The following DCLK2 variants were observed in gnomAD, a reference collection of about 807,000 sequenced individuals.
DCLK2 encodes the protein serine/threonine-protein kinase DCLK2.
DCLK2 carries 31 observed loss-of-function variants against 78.4 expected under a neutral mutation model. The observed-to-expected ratio is 0.40, with a 90% CI of 0.30 to 0.53. The LOEUF (loss-of-function observed/expected upper bound fraction) is 0.53, where lower values mean the gene tolerates loss of function less well. DCLK2 is among the 20% of genes least tolerant of loss of function. DCLK2 has a pLI of 0.61. For synonymous variants in DCLK2, 407 were observed against 374.9 expected, an observed-to-expected ratio of 1.09 and a Z score of -0.99; for missense variants, 872 against 973.7, an observed-to-expected ratio of 0.90 and a Z score of 1.39.
intron 1 of DCLK2, among the ~76,000 whole-genome samples, chr4:150,094,376 A>G (rs1289775409): frequency 6.6e-6 from 1 of 152,260 alleles, no homozygotes; most frequent in Non-Finnish European, 1.5e-5. Context: ...ACTGTTTAAA[A>G]AAGAGTATGT....
At chr4:150,204,146 A>G (rs533973772) in intron 5 of DCLK2, among the ~76,000 whole-genome samples, 3 of 152,338 alleles carry the variant, frequency 2.0e-5, no homozygotes, top group Admixed American at 2.0e-4. Flanking sequence ...AGAGATGAAC[A>G]TAATGTGGTA....
chr4:150,229,006 C>G (rs1741829270), intron 8 of DCLK2, among the ~76,000 whole-genome samples: 1 of 148,158 alleles, frequency 6.7e-6, no homozygotes. Context: ...GCAGTCCGGC[C>G]TGGGCAACAG....
At chr4:150,089,254 C>T (rs1200221835) in intron 1 of DCLK2, among the ~76,000 whole-genome samples, 1 of 152,182 alleles carries the variant, frequency 6.6e-6, no homozygotes, top group Non-Finnish European at 1.5e-5. Context: ...CCATCATTAT[C>T]AATCACTTGC....
At chr4:150,136,279 A>G (rs1261184033) in intron 2 of DCLK2, among the ~76,000 whole-genome samples, 2 of 152,234 alleles carry the variant, frequency 1.3e-5, no homozygotes, top group South Asian at 4.1e-4. Context: ...GGTCCCTCTG[A>G]ATGATAAAGT....
intron 2 of DCLK2, among the ~76,000 whole-genome samples, chr4:150,108,664 A>T (rs1035046456): frequency 3.9e-5 from 6 of 152,232 alleles, no homozygotes; most frequent in African/African-American, 9.6e-5. Flanking sequence ...TGACATTCTC[A>T]TAATAAAATA....
At chr4:150,194,558 G>A (rs1738725454) in intron 3 of DCLK2, among the ~76,000 whole-genome samples, 1 of 152,116 alleles carries the variant, frequency 6.6e-6, no homozygotes, top group Non-Finnish European at 1.5e-5. Context: ...TGGGAATACT[G>A]TTTTACCCTA....
At chr4:150,179,288 A>G (rs1737325387) in intron 2 of DCLK2, among the ~76,000 whole-genome samples, 1 of 152,178 alleles carries the variant, frequency 6.6e-6, no homozygotes, top group Non-Finnish European at 1.5e-5. Flanking sequence ...TCGGCCTCCC[A>G]AAGTGATGAG....
intron 2 of DCLK2, among the ~76,000 whole-genome samples, chr4:150,126,790 A>G (rs1301591524): frequency 6.6e-6 from 1 of 152,162 alleles, no homozygotes; most frequent in East Asian, 1.9e-4. Context: ...ACTGATCTAC[A>G]GACCTTATTT....
intron 5 of DCLK2, among the ~76,000 whole-genome samples, chr4:150,212,593 T>A (rs905394048): frequency 1.3e-5 from 2 of 152,212 alleles, no homozygotes; most frequent in African/African-American, 2.4e-5. Flanking sequence ...TAAGCAGTTT[T>A]GAAGTGCCCT....
intron 2 of DCLK2, among the ~76,000 whole-genome samples, chr4:150,153,988 A>G (rs1735077125): frequency 6.6e-6 from 1 of 152,096 alleles, no homozygotes; most frequent in South Asian, 2.1e-4. Flanking sequence ...ACTTTCACAA[A>G]AGGGCGTAAT....
chr4:150,256,159 C>T lies in DCLK2; in HGVS notation c.2213C>T (p.Pro738Leu), dbSNP rs1744544935. ...IPVPGEAVPA[P>L]TPPESPTPHP... Reference sequence around the variant, plus strand: ...GTGCCTGGGGAAGCAGTCCCGGCCCCCACCCCTCCGGAATCTCCCACCCCC... The same window carrying T: ...GTGCCTGGGGAAGCAGTCCCGGCCCTCACCCCTCCGGAATCTCCCACCCCC... The change falls in exon 16 of 16, where the codon CCC becomes CTC. Residue 738 changes from proline (P) to leucine (L), a missense_variant. By Grantham distance (98) the Pro-to-Leu change is moderately conservative (BLOSUM62 -3). Coordinates refer to ENST00000296550, the MANE Select transcript of DCLK2 (RefSeq NM_001040260.4). 6.3e-7 allele frequency: 1 copy of T among 1,586,768 alleles called. No homozygotes were observed. The highest frequency in any genetic ancestry group is 1.8e-5 in the Admixed American group (1 of 56,530).
At chr4:150,233,636 A>AT (rs929524673) in intron 10 of DCLK2, among the ~76,000 whole-genome samples, 51 of 151,416 alleles carry the variant, frequency 3.4e-4, no homozygotes, top group South Asian at 8.4e-4. Flanking sequence ...AAGAGATGCC[A>AT]TTTTTTTTTC....
At chr4:150,192,494 A>AAAC (rs1553966823) in intron 2 of DCLK2, among the ~76,000 whole-genome samples, 5 of 151,456 alleles carry the variant, frequency 3.3e-5, no homozygotes, top group African/African-American at 7.3e-5. Flanking sequence ...AAAAAAAAAA[A>AAAC]ACAAGTGAAA....
chr4:150,109,840 AT>A (rs1731538952), intron 2 of DCLK2, among the ~76,000 whole-genome samples: 2 of 152,174 alleles, frequency 1.3e-5, no homozygotes, highest in African/African-American at 4.8e-5. Flanking sequence ...GGAAAATGTT[AT>A]TTTGTTCTTT....
rs1359171378 is a variant in DCLK2, at chr4:150,079,197, A to G, written c.170A>G (p.Tyr57Cys). The G allele has an allele frequency of 2.5e-6, 4 of 1,611,864 alleles. No homozygotes were observed. The highest frequency in any genetic ancestry group is 1.3e-5 in the African/African-American group (1 of 74,852). ...GCGCACAGTGCCCACTGCAGCTTCT[A>G]CCGCACGCGGACCCTGCAGGCCCTC... is the stretch of plus-strand genomic sequence containing the variant. Reference protein sequence around the residue: ...SPAHSAHCSFYRTRTLQALSS... With the variant: ...SPAHSAHCSFCRTRTLQALSS... Residue 57 changes from tyrosine (Y) to cysteine (C), a missense_variant, in exon 1 of 16, where the codon TAC (tyrosine) becomes TGC (cysteine). Around this residue, in one of 3 missense-constraint regions of DCLK2, gnomAD observed 567 missense variants for 593.4 expected, o/e 0.96. Transcript: ENST00000296550.
At chr4:150,187,203 G>A (rs1393706757) in intron 2 of DCLK2, among the ~76,000 whole-genome samples, 2 of 151,994 alleles carry the variant, frequency 1.3e-5, no homozygotes, top group East Asian at 3.9e-4. Flanking sequence ...GTCTTGCTGT[G>A]TCACCCAGAG....
intron 2 of DCLK2, among the ~76,000 whole-genome samples, chr4:150,179,933 T>C (rs557652115): frequency 9.0e-6 from 1 of 111,410 alleles, no homozygotes; most frequent in South Asian, 3.4e-4. Flanking sequence ...CCTTATGATA[T>C]TACTTAGAAG....
chr4:150,085,546 T>C (rs1729579151), intron 1 of DCLK2, among the ~76,000 whole-genome samples: 1 of 152,172 alleles, frequency 6.6e-6, no homozygotes, highest in Non-Finnish European at 1.5e-5. Flanking sequence ...CTTCAAGGCC[T>C]CACTTGTTAA....
intron 2 of DCLK2, among the ~76,000 whole-genome samples, chr4:150,173,461 G>A (rs1293342340): frequency 6.6e-6 from 1 of 152,106 alleles, no homozygotes; most frequent in African/African-American, 2.4e-5. Flanking sequence ...ACCAGAGATG[G>A]AATAAAGGCT....
Sources: allele counts gnomAD v4.1 joint callset (sites outside exome capture counted in the v4.1 genomes callset), GRCh38; gene constraint gnomAD v4.1.1; regional missense constraint gnomAD v4.1.1; transcripts MANE v1.5; gene names NCBI Gene and HGNC (gene_info 2026-07-23, HGNC 2026-07-21).